The following EGF variants were observed in gnomAD, a reference collection of about 807,000 sequenced individuals.
The protein encoded by EGF is epidermal growth factor.
Under a neutral mutation model 143.8 loss-of-function variants are expected in EGF, and 95 were observed. The observed-to-expected ratio is 0.66, with a 90% CI of 0.56 to 0.78. EGF has a LOEUF of 0.78. Among genes scored for constraint, EGF ranks in the 30% least tolerant of loss-of-function variants. EGF has a pLI of 0.00. For missense variants in EGF, 1,320 were observed against 1,470.9 expected, an observed-to-expected ratio of 0.90 and a Z score of 1.68; for synonymous variants, 510 against 510.5, an observed-to-expected ratio of 1.00 and a Z score of 0.01.
chr4:109,980,811 T>C lies in EGF; in HGVS notation c.2222-15T>C. 1 of 1,614,026 alleles carries C rather than the reference T, an allele frequency of 6.2e-7. No homozygotes were observed. The highest frequency in any genetic ancestry group is 2.2e-5 in the East Asian group (1 of 44,878). ...CTTCAAACCCACTTGTGAATTTGTT[T>C]CTTTTCTCTACTAGGAGCAGATCCC... On this transcript the variant is annotated splice_polypyrimidine_tract_variant and intron_variant, in intron 14 of 23. Coordinates refer to ENST00000265171, the MANE Select transcript of EGF (RefSeq NM_001963.6).
chr4:109,966,156 T>G (rs1210385585), intron 10 of EGF, among the ~76,000 whole-genome samples: 1 of 152,026 alleles, frequency 6.6e-6, no homozygotes, highest in South Asian at 2.1e-4. Context: ...ATCACCTGAA[T>G]AGTGAACATT....
intron 1 of EGF, among the ~76,000 whole-genome samples, chr4:109,917,761 C>T (rs567833164): frequency 6.6e-6 from 1 of 152,132 alleles, no homozygotes; most frequent in Non-Finnish European, 1.5e-5. Context: ...GTTGGGATTA[C>T]AGGCATATGC....
At position 109,980,808 on chromosome 4, in the gene EGF, G is replaced by A. The variant is rs750257313; in HGVS notation, c.2222-18G>A. On this transcript the variant is annotated intron_variant, in intron 14 of 23. Coordinates refer to ENST00000265171, the MANE Select transcript of EGF (RefSeq NM_001963.6). Reference sequence around the variant, plus strand: ...CATCTTCAAACCCACTTGTGAATTTGTTTCTTTTCTCTACTAGGAGCAGAT... The same window carrying A: ...CATCTTCAAACCCACTTGTGAATTTATTTCTTTTCTCTACTAGGAGCAGAT... The A allele has an allele frequency of 1.7e-5, 27 of 1,613,748 alleles. No homozygotes were observed. Among genetic ancestry groups the A allele is most frequent in the Non-Finnish European group, 2.0e-5 (24 of 1,179,850 alleles).
chr4:109,945,319 C>T, intron 5 of EGF, 44 bp downstream of exon 5: 2 of 1,578,194 alleles, frequency 1.3e-6, no homozygotes, highest in Non-Finnish European at 1.7e-6. Flanking sequence ...ACATAGTTCC[C>T]ACCCATTCAC....
At chr4:109,997,871 T>A (rs1228117641) in intron 20 of EGF, among the ~76,000 whole-genome samples, 1 of 152,042 alleles carries the variant, frequency 6.6e-6, no homozygotes, top group Non-Finnish European at 1.5e-5. Context: ...CATAAAAAAA[T>A]AAAATAAAAT....
Position 110,011,827 on chromosome 4 carries a change from G to T in EGF, c.*372G>T. On this transcript the variant is annotated 3_prime_UTR_variant, in exon 24 of 24. Transcript: ENST00000265171. Reference sequence around the variant, plus strand: ...GCAGACAGTCACACTGGTTTGGTCAGTTACAAAGTAATTTCTTTGATCTGG... The same window carrying T: ...GCAGACAGTCACACTGGTTTGGTCATTTACAAAGTAATTTCTTTGATCTGG... 3.2e-6 allele frequency: 1 copy of T among 314,632 alleles called. No individual in the cohort carries two copies. The highest frequency in any genetic ancestry group is 6.1e-6 in the Non-Finnish European group (1 of 163,984). 19.5% of individuals were successfully genotyped at this position (314,632 alleles called of 1,614,324 possible).
intron 13 of EGF, chr4:109,977,245 C>T (rs945126989): frequency 6.6e-6 from 1 of 152,260 alleles, no homozygotes; most frequent in South Asian, 2.1e-4. Flanking sequence ...CATGGTTTCT[C>T]TCATTTAGGA....
intron 1 of EGF, among the ~76,000 whole-genome samples, chr4:109,932,360 C>CATGTATATATATATATATATAT (rs1739874444): frequency 1.1e-5 from 1 of 87,052 alleles, no homozygotes; most frequent in African/African-American, 4.4e-5. Context: ...CCCATTTAGT[C>CATGTATATATATATATATATAT]ATATATATAT....
intron 1 of EGF, among the ~76,000 whole-genome samples, chr4:109,916,506 AT>A (rs1463087675): frequency 6.6e-6 from 1 of 152,072 alleles, no homozygotes; most frequent in Admixed American, 6.5e-5. Flanking sequence ...TCTTGTCAGT[AT>A]TGCGTTAATG....
intron 11 of EGF, 71 bp from the exon 12 acceptor site, chr4:109,974,632 G>A (rs376631395): frequency 8.8e-7 from 1 of 1,130,578 alleles, no homozygotes; most frequent in East Asian, 2.5e-5. Context: ...TTCAGAAAGA[G>A]GAGAAAGGAG....
Position 109,999,698 on chromosome 4 carries a change from G to T in EGF, c.3025G>T (p.Gly1009Trp). 1 of 1,614,080 alleles carries T rather than the reference G, an allele frequency of 6.2e-7. No homozygotes were observed. Among genetic ancestry groups the T allele is most frequent in the South Asian group, 1.1e-5 (1 of 91,062 alleles). ...TCACAGCTGTGTTGTTGGCTACATC[G>T]GGGAGCGATGTCAGTACCGAGACCT... ...YACNCVVGYI[G>W]ERCQYRDLKW... The change falls in exon 21 of 24, where the codon GGG (glycine) becomes TGG (tryptophan). Residue 1009 changes from glycine to tryptophan, a missense_variant. Gly to Trp is a radical substitution (Grantham distance 184, BLOSUM62 -2). Transcript: ENST00000265171.
chr4:110,005,265 C>T (rs940916545), intron 22 of EGF, among the ~76,000 whole-genome samples: 1 of 151,866 alleles, frequency 6.6e-6, no homozygotes, highest in Non-Finnish European at 1.5e-5. Flanking sequence ...AGGCTGGTCT[C>T]AAACTCTTGG....
chr4:109,955,067 A>G (rs1440229272), intron 5 of EGF, among the ~76,000 whole-genome samples: 1 of 152,238 alleles, frequency 6.6e-6, no homozygotes, highest in Non-Finnish European at 1.5e-5. Flanking sequence ...GGCTTTGTTG[A>G]TGAGGTGAGT....
intron 2 of EGF, 88 bp from the exon 3 acceptor site, chr4:109,943,166 A>T (rs1333990362): frequency 1.1e-6 from 1 of 942,198 alleles, no homozygotes. Flanking sequence ...AATACTTAAA[A>T]GAATAGACTT....
intron 21 of EGF, chr4:110,001,614 G>C (rs1356820194): frequency 1.0e-6 from 1 of 985,224 alleles, no homozygotes; most frequent in African/African-American, 1.7e-5. Context: ...TTATGATATA[G>C]TATGTCTTAT....
chr4:109,966,176 G>C (rs967128669), intron 10 of EGF, among the ~76,000 whole-genome samples: 1 of 151,866 alleles, frequency 6.6e-6, no homozygotes, highest in Non-Finnish European at 1.5e-5. Flanking sequence ...TGTTCCCATA[G>C]GTAGTATTTC....
intron 23 of EGF, among the ~76,000 whole-genome samples, chr4:110,010,835 C>T (rs915597400): frequency 7.2e-5 from 11 of 152,046 alleles, no homozygotes; most frequent in South Asian, 4.2e-4. Flanking sequence ...TTGAGGTGGG[C>T]GAATCGCTTG....
At chr4:109,917,510 T>C (rs928012914) in intron 1 of EGF, among the ~76,000 whole-genome samples, 4 of 152,166 alleles carry the variant, frequency 2.6e-5, no homozygotes, top group African/African-American at 9.7e-5. Flanking sequence ...TTTTTTTAAT[T>C]TCAATTTTTA....
chr4:109,984,715 C>G (rs1578344257), intron 16 of EGF, among the ~76,000 whole-genome samples: 1 of 152,246 alleles, frequency 6.6e-6, no homozygotes, highest in East Asian at 1.9e-4. Context: ...CTAATTTGAT[C>G]CTCATTACAA....
Sources: allele counts gnomAD v4.1 joint callset (sites outside exome capture counted in the v4.1 genomes callset), GRCh38; gene constraint gnomAD v4.1.1; transcripts MANE v1.5; gene names NCBI Gene and HGNC (gene_info 2026-07-23, HGNC 2026-07-21).